LRRC37A2: variants seen among roughly 807,000 people sequenced by gnomAD.
LRRC37A2 encodes the protein leucine rich repeat containing 37 member A2, also known as leucine-rich repeat-containing protein 37A2.
In LRRC37A2, 9 loss-of-function variants were observed where a neutral mutation model predicts 68.8. That is an observed-to-expected ratio of 0.13 (90% confidence interval 0.08 to 0.23). The LOEUF is 0.23. Among genes scored for constraint, LRRC37A2 ranks in the 10% least tolerant of loss-of-function variants. The probability of loss-of-function intolerance (pLI) is 1.00; values close to 1 mark genes in which losing one functional copy is unlikely to be tolerated. For missense variants in LRRC37A2, 168 were observed against 950.4 expected, an observed-to-expected ratio of 0.18 and a Z score of 10.82; for synonymous variants, 63 against 367.6, an observed-to-expected ratio of 0.17 and a Z score of 9.48.
At chr17:46,814,543 G>A in the LRRC37A2 span, among the ~76,000 whole-genome samples, 78 of 152,192 alleles carry the variant, frequency 5.1e-4, no homozygotes, top group Non-Finnish European at 9.4e-4. Context: ...GAGACCACCC[G>A]GTTAAAGCCT....
the LRRC37A2 span, among the ~76,000 whole-genome samples, chr17:46,799,671 C>G: frequency 2.6e-5 from 4 of 152,146 alleles, no homozygotes; most frequent in Non-Finnish European, 5.9e-5. Context: ...TGGTCTCGAA[C>G]TCCTGACCTC....
the LRRC37A2 span, among the ~76,000 whole-genome samples, chr17:46,861,134 C>T: frequency 6.6e-6 from 1 of 152,248 alleles, no homozygotes; most frequent in African/African-American, 2.4e-5. Flanking sequence ...AGGCCTGTCC[C>T]CTTAGGGCAG....
At chr17:46,732,504 A>T in the LRRC37A2 span, among the ~76,000 whole-genome samples, 1 of 152,120 alleles carries the variant, frequency 6.6e-6, no homozygotes, top group Non-Finnish European at 1.5e-5. Flanking sequence ...TTTTCTTTGA[A>T]TTTTAAATTT....
At chr17:46,727,829 T>A in the LRRC37A2 span, among the ~76,000 whole-genome samples, 1 of 152,166 alleles carries the variant, frequency 6.6e-6, no homozygotes, top group Admixed American at 6.5e-5. Context: ...GTATGAATAG[T>A]TATCATCTGT....
the LRRC37A2 span, among the ~76,000 whole-genome samples, chr17:46,728,325 T>C: frequency 7.9e-5 from 12 of 152,338 alleles, no homozygotes; most frequent in South Asian, 2.1e-4. Flanking sequence ...TGTTTTAATA[T>C]CAGTGTACTG....
At chr17:46,940,539 C>G in the LRRC37A2 span, 22 of 1,613,976 alleles carry the variant, frequency 1.4e-5, no homozygotes, top group African/African-American at 2.3e-4. Context: ...GACGGCAAGG[C>G]TGTCCTGTCC....
chr17:46,735,143 G>T, the LRRC37A2 span, among the ~76,000 whole-genome samples: 1 of 152,080 alleles, frequency 6.6e-6, no homozygotes, highest in African/African-American at 2.4e-5. Flanking sequence ...TCAAAATAGG[G>T]TTTTGTTTTG....
At chr17:46,915,468 T>C in the LRRC37A2 span, among the ~76,000 whole-genome samples, 1 of 152,190 alleles carries the variant, frequency 6.6e-6, no homozygotes, top group Non-Finnish European at 1.5e-5. Context: ...AGGAAGTCAT[T>C]AAGACCAGCG....
the LRRC37A2 span, among the ~76,000 whole-genome samples, chr17:46,817,307 G>A: frequency 6.6e-6 from 1 of 152,284 alleles, no homozygotes. Flanking sequence ...ACTTCTTTCT[G>A]ACTTTCACCC....
the LRRC37A2 span, among the ~76,000 whole-genome samples, chr17:46,815,162 A>T: frequency 3.9e-5 from 6 of 152,060 alleles, no homozygotes; most frequent in Non-Finnish European, 7.4e-5. Context: ...ACATAGGTTC[A>T]TCCCCCCACC....
the LRRC37A2 span, among the ~76,000 whole-genome samples, chr17:46,927,501 C>T: frequency 6.6e-6 from 1 of 152,132 alleles, no homozygotes; most frequent in Non-Finnish European, 1.5e-5. Flanking sequence ...GTATTTTCTT[C>T]AGAAAGTTTG....
the LRRC37A2 span, among the ~76,000 whole-genome samples, chr17:47,002,141 C>T: frequency 6.6e-6 from 1 of 152,202 alleles, no homozygotes; most frequent in East Asian, 1.9e-4. Flanking sequence ...CTTTCACTCA[C>T]CATAATTATT....
chr17:46,932,495 A>G, the LRRC37A2 span: 1 of 593,064 alleles, frequency 1.7e-6, no homozygotes, highest in Non-Finnish European at 3.0e-6. Context: ...CACATGGTGG[A>G]AACGTTTTTC....
the LRRC37A2 span, among the ~76,000 whole-genome samples, chr17:46,798,589 GCA>G: frequency 2.0e-5 from 3 of 152,184 alleles, no homozygotes; most frequent in Non-Finnish European, 2.9e-5. Context: ...AAGGTTGGAT[GCA>G]CACAGTGACT....
the LRRC37A2 span, among the ~76,000 whole-genome samples, chr17:46,497,591 T>C: frequency 6.7e-6 from 1 of 150,284 alleles, no homozygotes; most frequent in African/African-American, 2.5e-5. Flanking sequence ...CTTATAATTG[T>C]ATATATGTGT....
At chr17:46,502,448 C>T in the LRRC37A2 span, among the ~76,000 whole-genome samples, 2 of 150,848 alleles carry the variant, frequency 1.3e-5, no homozygotes, top group Non-Finnish European at 2.9e-5. Flanking sequence ...ATTATAGGTA[C>T]CCACCACCAC....
chr17:46,569,502 ATTTG>A, the LRRC37A2 span, among the ~76,000 whole-genome samples: 1 of 144,982 alleles, frequency 6.9e-6, no homozygotes, highest in Admixed American at 6.9e-5. Flanking sequence ...CTGTCTTTGT[ATTTG>A]TTTTAGATTT....
At chr17:46,850,374 CAA>C in the LRRC37A2 span, among the ~76,000 whole-genome samples, 1 of 152,090 alleles carries the variant, frequency 6.6e-6, no homozygotes, top group Non-Finnish European at 1.5e-5. Flanking sequence ...AAACTGAGCT[CAA>C]AGAGGCTCAA....
At chr17:47,009,626 T>C in the LRRC37A2 span, among the ~76,000 whole-genome samples, 8 of 152,232 alleles carry the variant, frequency 5.3e-5, no homozygotes, top group Admixed American at 3.3e-4. Context: ...TTCAGGTCCC[T>C]GAAGCCCCTG....
Sources: allele counts gnomAD v4.1 joint callset (sites outside exome capture counted in the v4.1 genomes callset), GRCh38; gene constraint gnomAD v4.1.1; transcripts MANE v1.5; gene names NCBI Gene and HGNC (gene_info 2026-07-23, HGNC 2026-07-21).